Variants in GABRB1 observed in about 807,000 individuals in gnomAD.
The protein encoded by GABRB1 is gamma-aminobutyric acid type A receptor subunit beta1, also known as gamma-aminobutyric acid receptor subunit beta-1.
Under a neutral mutation model 51.6 loss-of-function variants are expected in GABRB1, and 17 were observed. The observed-to-expected ratio is 0.33, with a 90% CI of 0.23 to 0.49. GABRB1 has a LOEUF of 0.49. GABRB1 is among the 20% of genes least tolerant of loss of function. The pLI is 0.99. For missense variants in GABRB1, 410 were observed against 600.6 expected, an observed-to-expected ratio of 0.68 and a Z score of 3.32; for synonymous variants, 247 against 218.9, an observed-to-expected ratio of 1.13 and a Z score of -1.14.
chr4:47,318,260 G>A (rs1724958190), intron 4 of GABRB1, among the ~76,000 whole-genome samples: 1 of 151,904 alleles, frequency 6.6e-6, no homozygotes, highest in South Asian at 2.1e-4. Flanking sequence ...TACTTAAGAA[G>A]TGCTCCCCAA....
intron 4 of GABRB1, among the ~76,000 whole-genome samples, chr4:47,296,344 G>A (rs1046930921): frequency 6.6e-6 from 1 of 152,158 alleles, no homozygotes; most frequent in Non-Finnish European, 1.5e-5. Flanking sequence ...ACCCATCAGT[G>A]TGCTGTATTC....
chr4:47,370,170 A>C (rs1352359476), intron 5 of GABRB1, among the ~76,000 whole-genome samples: 2 of 152,182 alleles, frequency 1.3e-5, no homozygotes, highest in Admixed American at 6.5e-5. Flanking sequence ...ATTTGGTTTA[A>C]AAAAATCTTT....
chr4:47,121,691 A>G (rs1409185939), intron 3 of GABRB1, among the ~76,000 whole-genome samples: 1 of 152,216 alleles, frequency 6.6e-6, no homozygotes, highest in African/African-American at 2.4e-5. Flanking sequence ...AATATGGGAA[A>G]GGAATCCACC....
At chr4:47,130,725 A>T (rs1716375346) in intron 3 of GABRB1, among the ~76,000 whole-genome samples, 1 of 152,214 alleles carries the variant, frequency 6.6e-6, no homozygotes, top group African/African-American at 2.4e-5. Flanking sequence ...CGCAGGGATC[A>T]TGAGAGCAGG....
intron 4 of GABRB1, among the ~76,000 whole-genome samples, chr4:47,244,954 C>T (rs149988036): frequency 6.6e-5 from 10 of 152,158 alleles, no homozygotes; most frequent in South Asian, 4.2e-4. Context: ...CAAGAGCAAA[C>T]GCATTCAAAA....
intron 5 of GABRB1, among the ~76,000 whole-genome samples, chr4:47,380,673 G>C (rs540041850): frequency 1.3e-5 from 2 of 152,110 alleles, no homozygotes; most frequent in Non-Finnish European, 2.9e-5. Context: ...TAAAACCCTA[G>C]ATATATTGTT....
intron 4 of GABRB1, among the ~76,000 whole-genome samples, chr4:47,259,568 A>G (rs1219469080): frequency 6.6e-6 from 1 of 152,150 alleles, no homozygotes; most frequent in Non-Finnish European, 1.5e-5. Context: ...TCTGCTCAAC[A>G]TCATACAAAA....
At chr4:47,122,971 T>C (rs1356325301) in intron 3 of GABRB1, among the ~76,000 whole-genome samples, 3 of 152,170 alleles carry the variant, frequency 2.0e-5, no homozygotes, top group Non-Finnish European at 4.4e-5. Context: ...AGCTTGGGAT[T>C]GAAGCTGTGA....
intron 4 of GABRB1, among the ~76,000 whole-genome samples, chr4:47,228,967 C>G (rs561321595): frequency 3.3e-5 from 5 of 152,228 alleles, no homozygotes; most frequent in African/African-American, 1.2e-4. Flanking sequence ...ATACAAACAG[C>G]CACCATGTAG....
chr4:47,160,784 A>G (rs1717911712), intron 3 of GABRB1, among the ~76,000 whole-genome samples: 1 of 150,644 alleles, frequency 6.6e-6, no homozygotes, highest in African/African-American at 2.4e-5. Flanking sequence ...TTATTTATTT[A>G]ACTAATTATA....
intron 4 of GABRB1, among the ~76,000 whole-genome samples, chr4:47,295,471 C>T (rs1280957999): frequency 6.6e-6 from 1 of 152,128 alleles, no homozygotes; most frequent in African/African-American, 2.4e-5. Flanking sequence ...GCAGAAGCCT[C>T]AGGAGCCGAT....
At chr4:47,073,897 A>T (rs527828770) in intron 3 of GABRB1, among the ~76,000 whole-genome samples, 3 of 152,260 alleles carry the variant, frequency 2.0e-5, no homozygotes, top group African/African-American at 7.2e-5. Flanking sequence ...ACAAACAGAG[A>T]TGTCACAGAA....
intron 3 of GABRB1, among the ~76,000 whole-genome samples, chr4:47,155,381 A>G (rs1717643915): frequency 6.6e-6 from 1 of 152,210 alleles, no homozygotes; most frequent in South Asian, 2.1e-4. Context: ...GATAAAACAT[A>G]AATATGAACA....
intron 7 of GABRB1, among the ~76,000 whole-genome samples, chr4:47,404,665 A>G (rs1287226709): frequency 6.6e-6 from 1 of 152,218 alleles, no homozygotes; most frequent in Non-Finnish European, 1.5e-5. Flanking sequence ...GAATACATAA[A>G]GCTCACAAAG....
chr4:47,089,420 C>T (rs1728208555), intron 3 of GABRB1, among the ~76,000 whole-genome samples: 1 of 152,188 alleles, frequency 6.6e-6, no homozygotes, highest in South Asian at 2.1e-4. Flanking sequence ...TATGTGTCAA[C>T]ATTTTGAGAC....
At chr4:47,295,205 C>T (rs1382221629) in intron 4 of GABRB1, among the ~76,000 whole-genome samples, 1 of 152,190 alleles carries the variant, frequency 6.6e-6, no homozygotes, top group African/African-American at 2.4e-5. Flanking sequence ...GAGTGCCTCT[C>T]CTCCTCCAAA....
chr4:47,180,103 C>A (rs976244574), intron 4 of GABRB1, among the ~76,000 whole-genome samples: 5 of 151,922 alleles, frequency 3.3e-5, no homozygotes, highest in Non-Finnish European at 7.4e-5. Flanking sequence ...AGTAGCACAG[C>A]AGCACAGGCA....
At chr4:47,406,612 G>T in intron 7 of GABRB1, 70 bp from the exon 8 acceptor site, 1 of 1,590,766 alleles carries the variant, frequency 6.3e-7, no homozygotes, top group Non-Finnish European at 8.6e-7. Flanking sequence ...AATGGCATCT[G>T]TCCTCTCAAT....
chr4:47,039,541 T>C (rs1368069046), intron 3 of GABRB1, among the ~76,000 whole-genome samples: 1 of 152,096 alleles, frequency 6.6e-6, no homozygotes, highest in Non-Finnish European at 1.5e-5. Flanking sequence ...ATTTGAAACA[T>C]CCATAGTTAT....
Sources: allele counts gnomAD v4.1 joint callset (sites outside exome capture counted in the v4.1 genomes callset), GRCh38; gene constraint gnomAD v4.1.1; transcripts MANE v1.5; gene names NCBI Gene and HGNC (gene_info 2026-07-23, HGNC 2026-07-21).